The following TNN variants were observed in gnomAD, a reference collection of about 807,000 sequenced individuals.
TNN encodes tenascin-N.
TNN carries 122 observed loss-of-function variants against 134.4 expected under a neutral mutation model. The observed-to-expected ratio is 0.91, with a 90% CI of 0.78 to 1.06. TNN has a LOEUF of 1.06. Among genes scored for constraint, TNN ranks in the 50% least tolerant of loss-of-function variants. TNN has a pLI of 0.00. For missense variants in TNN, 1,739 were observed against 1,699.4 expected (o/e 1.02, Z -0.41); for synonymous variants, 710 against 670.3 (o/e 1.06, Z -0.91).
intron 9 of TNN, among the ~76,000 whole-genome samples, chr1:175,100,366 A>G (rs1371164940): frequency 6.6e-6 from 1 of 152,214 alleles, no homozygotes; most frequent in Non-Finnish European, 1.5e-5. Flanking sequence ...AGGGTATGCA[A>G]AACAAAGTCT....
chr1:175,129,469 A>G (rs1294633035), intron 15 of TNN, among the ~76,000 whole-genome samples: 1 of 151,448 alleles, frequency 6.6e-6, no homozygotes, highest in Non-Finnish European at 1.5e-5. Context: ...GTACTTAACC[A>G]CTGTCCTAGA....
At chr1:175,106,731 C>G (rs977765233) in intron 9 of TNN, among the ~76,000 whole-genome samples, 1 of 145,906 alleles carries the variant, frequency 6.9e-6, no homozygotes, top group Non-Finnish European at 1.5e-5. Flanking sequence ...CAGGGTCAAC[C>G]AACATGTTGT....
intron 17 of TNN, among the ~76,000 whole-genome samples, chr1:175,137,209 C>T (rs1482501186): frequency 2.6e-5 from 4 of 152,132 alleles, no homozygotes; most frequent in Non-Finnish European, 4.4e-5. Context: ...TGTTATATGT[C>T]ATCCCCCCAC....
intron 9 of TNN, among the ~76,000 whole-genome samples, chr1:175,101,453 A>T (rs1674722890): frequency 1.3e-5 from 2 of 150,244 alleles, no homozygotes. Context: ...GAGCGAAAGA[A>T]CAAAGCTTCC....
rs139358535 is a variant in TNN at position 175,103,937 on chromosome 1, C to T, written c.2119+5342C>T. Reference sequence around the variant, plus strand: ...GCATTTTTTTGCCCTTCTAAATTGTCCTTCCAATGCCCAGACTTCAGTGTT... The same window carrying T: ...GCATTTTTTTGCCCTTCTAAATTGTTCTTCCAATGCCCAGACTTCAGTGTT... On this transcript the variant is annotated intron_variant, in intron 9 of 18. Coordinates refer to ENST00000239462, the MANE Select transcript of TNN (RefSeq NM_022093.2). Among the ~76,000 whole-genome samples, 214 of 145,656 alleles carry T rather than the reference C, an allele frequency of 1.5e-3. 26 individuals are homozygous for T. The highest frequency in any genetic ancestry group is 0.011 in the Middle Eastern group (3 of 282).
chr1:175,080,577 C>A, intron 4 of TNN, 151 bp downstream of exon 4: 1 of 989,456 alleles, frequency 1.0e-6, no homozygotes, highest in Non-Finnish European at 1.5e-6. Context: ...CCAGTTCTCT[C>A]TCTTCTTTCC....
At chr1:175,079,212 ATC>A in intron 2 of TNN, 119 bp from the exon 3 acceptor site, 6 of 1,271,088 alleles carry the variant, frequency 4.7e-6, no homozygotes, top group Non-Finnish European at 5.2e-6. Flanking sequence ...AGACCCAGAA[ATC>A]ACCAGACCCT....
intron 9 of TNN, among the ~76,000 whole-genome samples, chr1:175,110,054 G>A (rs1674981231): frequency 6.6e-6 from 1 of 152,122 alleles, no homozygotes; most frequent in African/African-American, 2.4e-5. Flanking sequence ...AGTTTTAACA[G>A]GGATGAGATG....
Position 175,094,265 on chromosome 1 carries a change from A to G in TNN, c.1588+12A>G. The G allele has an allele frequency of 1.9e-6, 3 of 1,556,896 alleles. No homozygotes were observed. Among genetic ancestry groups the G allele is most frequent in the Non-Finnish European group, 2.6e-6 (3 of 1,145,746 alleles). ...CAATGCCCTCACAGGTAACAGAAGG[A>G]CGGGAGCATAAATAGGTTTCCTCAT... On this transcript the variant is annotated intron_variant, in intron 7 of 18. Coordinates refer to ENST00000239462, the MANE Select transcript of TNN (RefSeq NM_022093.2).
chr1:175,086,421 T>C lies in TNN; in HGVS notation c.1324+927T>C, dbSNP rs566503266. Among the ~76,000 whole-genome samples the C allele has an allele frequency of 2.6e-5, 4 of 152,350 alleles. No individual in the cohort carries two copies. The South Asian group carries it at 6.2e-4, about 24-fold the overall frequency. On this transcript the variant is annotated intron_variant, in intron 6 of 18. Transcript: ENST00000239462. The stretch of plus-strand genomic sequence containing the variant: ...TAGGTAACTTTTAGTTTTTAAACCA[T>C]GCTTGAGCCCATATTGAATTGTGAA...
intron 9 of TNN, among the ~76,000 whole-genome samples, chr1:175,113,448 A>G (rs973947799): frequency 1.3e-5 from 2 of 152,076 alleles, no homozygotes; most frequent in African/African-American, 4.8e-5. Flanking sequence ...GGATTCCCTT[A>G]TATGTGACCT....
chr1:175,073,565 T>C (rs1673968101), intron 1 of TNN, among the ~76,000 whole-genome samples: 1 of 152,188 alleles, frequency 6.6e-6, no homozygotes, highest in South Asian at 2.1e-4. Context: ...CTTTCTCAGC[T>C]CAGACCTGAT....
intron 4 of TNN, among the ~76,000 whole-genome samples, chr1:175,083,089 C>T (rs1236148276): frequency 6.6e-6 from 1 of 151,908 alleles, no homozygotes; most frequent in Non-Finnish European, 1.5e-5. Flanking sequence ...ACAGATTGGG[C>T]AGCATGAGAA....
At chr1:175,079,772 A>G in intron 3 of TNN, 65 bp downstream of exon 3, 3 of 1,501,626 alleles carry the variant, frequency 2.0e-6, no homozygotes, top group Non-Finnish European at 2.7e-6. Flanking sequence ...TTAACCCTCA[A>G]TTACACGTTG....
At chr1:175,141,485 A>G (rs577288862) in intron 17 of TNN, among the ~76,000 whole-genome samples, 1 of 152,260 alleles carries the variant, frequency 6.6e-6, no homozygotes, top group South Asian at 2.1e-4. Flanking sequence ...CTGGCACCTG[A>G]AAAAGAAAAA....
chr1:175,146,910 C>CTTTTT lies in TNN; in HGVS notation c.3760-10_3760-6dup. The CTTTTT allele has an allele frequency of 9.7e-6, 13 of 1,340,036 alleles. No individual in the cohort carries two copies. In the South Asian group the frequency reaches 1.1e-4, roughly 11 times the overall value. The allele number at this position is 1,340,036 out of a possible 1,614,324, so 83.0% of individuals were successfully genotyped here. A position where few individuals can be genotyped will look rare whatever the true frequency, so the allele number is the denominator to read the frequency against. On this transcript the variant is annotated intron_variant, in intron 18 of 18. Coordinates refer to ENST00000239462, the MANE Select transcript of TNN (RefSeq NM_022093.2). ...TCCTAAGAGCCTCTTCTTGATGTGG[C>CTTTTT]TTTTTTTTTTTTTTTGGTAGGGGGT...
intron 9 of TNN, among the ~76,000 whole-genome samples, chr1:175,108,129 C>T (rs1433373468): frequency 6.6e-6 from 1 of 152,072 alleles, no homozygotes; most frequent in Non-Finnish European, 1.5e-5. Context: ...TCCACATCCT[C>T]ACCAGAGCAG....
rs763643209 is a variant in TNN, at chr1:175,094,197, T to A, written c.1532T>A (p.Val511Glu). The A allele has an allele frequency of 3.1e-6, 5 of 1,613,580 alleles. No individual in the cohort carries two copies. Among genetic ancestry groups the A allele is most frequent in the Non-Finnish European group, 4.2e-6 (5 of 1,179,636 alleles). The change falls in exon 7 of 19, where the codon GTG becomes GAG. Residue 511 changes from valine (V) to glutamate (E), a missense_variant. Val to Glu is a moderately radical substitution (Grantham distance 121). Transcript: ENST00000239462. ...LKPGEAYKVY[V>E]WAERGNQGSK... ...CCAGGAGAGGCATACAAGGTCTACG[T>A]GTGGGCTGAAAGGGGCAACCAGGGG...
chr1:175,117,892 T>C (rs1675225371), intron 10 of TNN, among the ~76,000 whole-genome samples: 1 of 152,228 alleles, frequency 6.6e-6, no homozygotes, highest in African/African-American at 2.4e-5. Context: ...GTTATATTCT[T>C]ATTTTAGTGG....
Sources: gnomAD v4.1 joint callset for allele counts (sites outside exome capture counted in the v4.1 genomes callset) on GRCh38, gnomAD v4.1.1 for gene constraint, MANE v1.5 for transcripts, NCBI Gene and HGNC (gene_info 2026-07-23, HGNC 2026-07-21) for gene names.